FAM169A: variants seen among roughly 807,000 people sequenced by gnomAD.
FAM169A encodes the protein family with sequence similarity 169 member A, also known as soluble lamin-associated protein of 75 kDa.
In FAM169A, 24 loss-of-function variants were observed where a neutral mutation model predicts 75.7. That is an observed-to-expected ratio of 0.32 (90% confidence interval 0.23 to 0.45). The LOEUF (loss-of-function observed/expected upper bound fraction) is 0.45. Among genes scored for constraint, FAM169A ranks in the 20% least tolerant of loss-of-function variants. The probability of loss-of-function intolerance (pLI) is 1.00; values close to 1 mark genes in which losing one functional copy is unlikely to be tolerated. For synonymous variants in FAM169A, 271 were observed against 271.0 expected (o/e 1.00, Z 0.00); for missense variants, 673 against 784.0 (o/e 0.86, Z 1.69).
Position 74,838,994 on chromosome 5 carries a change from A to T in FAM169A, c.289T>A (p.Ser97Thr). 1 of 1,613,908 alleles carries T rather than the reference A, an allele frequency of 6.2e-7. No homozygotes were observed. Among genetic ancestry groups the T allele is most frequent in the East Asian group, 2.2e-5 (1 of 44,860 alleles). The change falls in exon 4 of 13, where the codon TCT becomes ACT. Residue 97 changes from serine to threonine, a missense_variant. This residue lies in a region of FAM169A where 107 missense variants were observed against 180.8 expected (regional missense o/e 0.59). Coordinates refer to ENST00000687041, the MANE Select transcript of FAM169A (RefSeq NM_001376049.1). ...TTAAGCCCCTCTCTTGAAGGAACAG[A>T]TGTTTTCACAATATCATCAATAGCC... ...WWAIDDIVKT[S>T]VPSREGLKQV...
intron 1 of FAM169A, among the ~76,000 whole-genome samples, chr5:74,849,180 A>G (rs1008643491): frequency 4.7e-4 from 71 of 152,250 alleles, no homozygotes; most frequent in Non-Finnish European, 1.0e-4. Flanking sequence ...GAGATCTAAG[A>G]TCATGAGCAT....
chr5:74,781,907 T>C lies in FAM169A; in HGVS notation c.1566A>G (p.Ala522=). 1.2e-6 allele frequency: 2 copies of C among 1,613,980 alleles called. No individual in the cohort carries two copies. Among genetic ancestry groups the C allele is most frequent in the Middle Eastern group, 1.6e-4 (1 of 6,062 alleles). ...CAACATTGTCTGAACTCCCAAGATG[T>C]GCTTTCTTTCTTGGAAGTAGGGACA... ...EKLSLLPRKK[A]HLGSSDNVAT... is the part of the protein sequence containing the mutation. The change falls in exon 13 of 13, where the codon GCA becomes GCG. Residue 522 remains alanine (A), a synonymous_variant. Coordinates refer to ENST00000687041, the MANE Select transcript of FAM169A (RefSeq NM_001376049.1).
chr5:74,839,019 C>A lies in FAM169A; in HGVS notation c.264G>T (p.Trp88Cys). The A allele has an allele frequency of 3.1e-6, 5 of 1,613,764 alleles. No individual in the cohort carries two copies. The highest frequency in any genetic ancestry group is 4.2e-6 in the Non-Finnish European group (5 of 1,179,788). The change falls in exon 4 of 13, where the codon TGG becomes TGT. Residue 88 changes from tryptophan (W) to cysteine (C), a missense_variant. Trp to Cys is a radical substitution (Grantham distance 215). This residue lies in a region of FAM169A where 107 missense variants were observed against 180.8 expected (regional missense o/e 0.59). Coordinates refer to ENST00000687041, the MANE Select transcript of FAM169A (RefSeq NM_001376049.1). ...ATGTTTTCACAATATCATCAATAGCCCACCACTGATCAGCAAGGTAAAGTG... is the reference window on the plus strand; with the variant it reads ...ATGTTTTCACAATATCATCAATAGCACACCACTGATCAGCAAGGTAAAGTG... ...AVALYLADQW[W>C]AIDDIVKTSV...
intron 5 of FAM169A, among the ~76,000 whole-genome samples, chr5:74,819,463 T>C (rs1747659477): frequency 1.3e-5 from 2 of 152,138 alleles, no homozygotes; most frequent in Admixed American, 6.5e-5. Flanking sequence ...GAATGTAACA[T>C]GGTACAGTCT....
chr5:74,858,148 G>A (rs1401754692), intron 1 of FAM169A, among the ~76,000 whole-genome samples: 1 of 151,740 alleles, frequency 6.6e-6, no homozygotes, highest in East Asian at 1.9e-4. Flanking sequence ...AGTACTTTGG[G>A]AGGCCAAGGC....
intron 5 of FAM169A, among the ~76,000 whole-genome samples, chr5:74,827,564 G>A (rs1397598543): frequency 6.6e-6 from 1 of 151,588 alleles, no homozygotes; most frequent in Non-Finnish European, 1.5e-5. Context: ...TATTATATTA[G>A]TATACAACAA....
chr5:74,780,443 A>G lies in FAM169A; in HGVS notation c.*1017T>C, dbSNP rs1245380332. 6.6e-6 allele frequency: 1 copy of G among 152,244 alleles called. No homozygotes were observed. The highest frequency in any genetic ancestry group is 2.4e-5 in the African/African-American group (1 of 41,464). The allele number at this position is 152,244 out of a possible 1,614,324, so 9.4% of individuals were successfully genotyped here. A position where few individuals can be genotyped will look rare whatever the true frequency, so the allele number is the denominator to read the frequency against. On this transcript the variant is annotated 3_prime_UTR_variant, in exon 13 of 13. Coordinates refer to ENST00000687041, the MANE Select transcript of FAM169A (RefSeq NM_001376049.1). ...GAATCACTCCATGAGTTACAGAAGT[A>G]GATGAAAGCTGTGGGGGAATATAAA... is the stretch of plus-strand genomic sequence containing the variant.
chr5:74,833,120 A>T (rs1376891602), intron 5 of FAM169A, among the ~76,000 whole-genome samples: 1 of 152,144 alleles, frequency 6.6e-6, no homozygotes, highest in Non-Finnish European at 1.5e-5. Context: ...AGCCCTCAAT[A>T]CAAAAGTATA....
At chr5:74,845,177 G>C (rs1749086851) in intron 1 of FAM169A, among the ~76,000 whole-genome samples, 1 of 152,140 alleles carries the variant, frequency 6.6e-6, no homozygotes, top group South Asian at 2.1e-4. Context: ...GATGATAAGA[G>C]GAACTATTTT....
At chr5:74,838,208 T>A (rs554851140) in intron 4 of FAM169A, among the ~76,000 whole-genome samples, 1 of 152,014 alleles carries the variant, frequency 6.6e-6, no homozygotes, top group Non-Finnish European at 1.5e-5. Context: ...TAATGAATAG[T>A]ACTGCTTCTC....
chr5:74,822,064 C>T (rs753373638), intron 5 of FAM169A, among the ~76,000 whole-genome samples: 8 of 152,168 alleles, frequency 5.3e-5, no homozygotes, highest in Non-Finnish European at 1.2e-4. Flanking sequence ...TGGAACCTGC[C>T]AGCCTTCTTA....
At chr5:74,800,344 C>T (rs1057061520) in intron 10 of FAM169A, among the ~76,000 whole-genome samples, 4 of 151,836 alleles carry the variant, frequency 2.6e-5, no homozygotes, top group African/African-American at 7.3e-5. Flanking sequence ...GTCACACTAA[C>T]TTAAAAGACA....
chr5:74,815,174 AT>A (rs1417473101), intron 5 of FAM169A, among the ~76,000 whole-genome samples: 1 of 142,964 alleles, frequency 7.0e-6, no homozygotes, highest in Admixed American at 7.0e-5. Flanking sequence ...ATACTTAGAT[AT>A]TTTTATTTTT....
chr5:74,796,723 T>TA (rs1300702949), intron 10 of FAM169A, among the ~76,000 whole-genome samples: 2 of 151,708 alleles, frequency 1.3e-5, no homozygotes, highest in East Asian at 3.9e-4. Flanking sequence ...TTTTTTTTTT[T>TA]AACCTCATTT....
chr5:74,800,207 T>C (rs1746497730), intron 10 of FAM169A: 1 of 238,126 alleles, frequency 4.2e-6, no homozygotes, highest in Non-Finnish European at 8.2e-6. Flanking sequence ...TCATGTGGTT[T>C]TGTTTGAATA....
chr5:74,788,716 A>AG (rs1056958052), intron 11 of FAM169A, among the ~76,000 whole-genome samples: 4 of 152,192 alleles, frequency 2.6e-5, no homozygotes, highest in African/African-American at 9.6e-5. Flanking sequence ...AAAAAAAAAA[A>AG]AAAGAAAGAA....
At chr5:74,835,755 A>C (rs1341985449) in intron 4 of FAM169A, among the ~76,000 whole-genome samples, 1 of 152,202 alleles carries the variant, frequency 6.6e-6, no homozygotes, top group Non-Finnish European at 1.5e-5. Flanking sequence ...AGGGGATCTC[A>C]CATAACAAAC....
chr5:74,835,760 A>G (rs987364201), intron 4 of FAM169A, among the ~76,000 whole-genome samples: 2 of 152,184 alleles, frequency 1.3e-5, no homozygotes, highest in Non-Finnish European at 2.9e-5. Context: ...ATCTCACATA[A>G]CAAACATAGG....
rs543395426 is a variant in FAM169A at position 74,855,250 on chromosome 5, C to A, written c.-4+10915G>T. ...CTGCTCTGTTGTCCAGGCTGGAATGCGGTGGCACAATCCCAGCTCACTGCA... is the reference window on the plus strand; with the variant it reads ...CTGCTCTGTTGTCCAGGCTGGAATGAGGTGGCACAATCCCAGCTCACTGCA... On this transcript the variant is annotated intron_variant, in intron 1 of 12. Transcript: ENST00000687041. 8.5e-5 allele frequency among the ~76,000 whole-genome samples: 13 copies of A among 152,286 alleles called. No individual in the cohort carries two copies. In the East Asian group the frequency reaches 1.5e-3, roughly 18 times the overall value.
Sources: gnomAD v4.1 joint callset for allele counts (sites outside exome capture counted in the v4.1 genomes callset) on GRCh38, gnomAD v4.1.1 for gene constraint, gnomAD v4.1.1 regional missense constraint, MANE v1.5 for transcripts, NCBI Gene and HGNC (gene_info 2026-07-23, HGNC 2026-07-21) for gene names.